The following HMGA2 variants were observed in gnomAD, a reference collection of about 807,000 sequenced individuals.
HMGA2 encodes high mobility group protein HMGI-C.
A neutral mutation model predicts 19.1 loss-of-function variants in HMGA2; 8 were observed. That is an observed-to-expected ratio of 0.42 (90% CI 0.25 to 0.76). The LOEUF is 0.76. Among genes scored for constraint, HMGA2 ranks in the 30% least tolerant of loss-of-function variants. The probability of loss-of-function intolerance (pLI) is 0.28; values close to 1 mark genes in which losing one functional copy is unlikely to be tolerated. For missense variants in HMGA2, 109 were observed against 136.3 expected (o/e 0.80, Z 1.00); for synonymous variants, 60 against 48.8 (o/e 1.23, Z -0.96).
intron 3 of HMGA2, among the ~76,000 whole-genome samples, chr12:65,889,899 C>A (rs1873830626): frequency 6.6e-6 from 1 of 152,188 alleles, no homozygotes; most frequent in African/African-American, 2.4e-5. Context: ...TCCCTACATC[C>A]TAGCCCCACT....
At chr12:65,865,413 T>C (rs1872344047) in intron 3 of HMGA2, among the ~76,000 whole-genome samples, 1 of 152,162 alleles carries the variant, frequency 6.6e-6, no homozygotes, top group Non-Finnish European at 1.5e-5. Flanking sequence ...GAAATGAAAG[T>C]ACTTAGTAAT....
At position 65,965,133 on chromosome 12, in the gene HMGA2, T is replaced by G. The variant is rs2121336760; in HGVS notation, c.*1841T>G. 1.0e-5 allele frequency: 2 copies of G among 196,092 alleles called. No homozygotes were observed. Among genetic ancestry groups the G allele is most frequent in the Non-Finnish European group, 1.1e-5 (1 of 94,060 alleles). 12.1% of individuals were successfully genotyped at this position (196,092 alleles called of 1,614,324 possible). A position where few individuals can be genotyped will look rare whatever the true frequency, so the allele number is the denominator to read the frequency against. On this transcript the variant is annotated 3_prime_UTR_variant, in exon 5 of 5. Transcript: ENST00000403681. ...TTTTGCAAAATAAGTAAATAATAAA[T>G]AAAATAAAAGCCAACCTTCAAAGAA...
chr12:65,886,321 G>A (rs1873651538), intron 3 of HMGA2, among the ~76,000 whole-genome samples: 1 of 151,578 alleles, frequency 6.6e-6, no homozygotes, highest in Non-Finnish European at 1.5e-5. Flanking sequence ...GTCACCCTTA[G>A]TCCCTGTTTC....
At chr12:65,893,824 T>C (rs1874018029) in intron 3 of HMGA2, among the ~76,000 whole-genome samples, 1 of 152,220 alleles carries the variant, frequency 6.6e-6, no homozygotes, top group Non-Finnish European at 1.5e-5. Flanking sequence ...AAAACTGATA[T>C]TTGACTTTCC....
chr12:65,916,799 G>A (rs777664396), intron 3 of HMGA2, among the ~76,000 whole-genome samples: 4 of 152,204 alleles, frequency 2.6e-5, no homozygotes, highest in African/African-American at 4.8e-5. Flanking sequence ...CTTAGTAGAA[G>A]AATTGAGGGA....
At chr12:65,864,691 A>C (rs1403596094) in intron 3 of HMGA2, among the ~76,000 whole-genome samples, 1 of 152,190 alleles carries the variant, frequency 6.6e-6, no homozygotes, top group Non-Finnish European at 1.5e-5. Flanking sequence ...ATGATTTTAT[A>C]GTGTTTCCAT....
intron 1 of HMGA2, among the ~76,000 whole-genome samples, chr12:65,827,676 G>A (rs1870274755): frequency 6.6e-6 from 1 of 152,208 alleles, no homozygotes; most frequent in Non-Finnish European, 1.5e-5. Flanking sequence ...GTTGCCAAAT[G>A]CATAGCCCTG....
At chr12:65,925,775 C>T (rs1166070766) in intron 3 of HMGA2, among the ~76,000 whole-genome samples, 2 of 136,038 alleles carry the variant, frequency 1.5e-5, no homozygotes, top group Non-Finnish European at 3.1e-5. Context: ...GAATGCGGAT[C>T]TCGGGCATTT....
chr12:65,915,364 A>T lies in HMGA2; in HGVS notation c.250-36019A>T, dbSNP rs556488578. 3.0e-6 allele frequency: 4 copies of T among 1,334,208 alleles called. No individual in the cohort carries two copies. In the East Asian group the frequency reaches 1.2e-4, roughly 41 times the overall value. 82.6% of individuals were successfully genotyped at this position (1,334,208 alleles called of 1,614,324 possible). On this transcript the variant is annotated intron_variant, in intron 3 of 4. Coordinates refer to ENST00000403681, the MANE Select transcript of HMGA2 (RefSeq NM_003483.6). ...GGCACCCTTGTACGAATTTGAAAAA[A>T]GTACTCACTCTAGGCACATGCAGAG...
intron 3 of HMGA2, among the ~76,000 whole-genome samples, chr12:65,853,313 A>C (rs1030056840): frequency 2.6e-5 from 4 of 152,188 alleles, no homozygotes; most frequent in African/African-American, 9.7e-5. Flanking sequence ...TATACTGTTC[A>C]AGTTTAAATC....
chr12:65,827,437 G>A (rs1417927612), intron 1 of HMGA2, among the ~76,000 whole-genome samples: 1 of 152,128 alleles, frequency 6.6e-6, no homozygotes, highest in Non-Finnish European at 1.5e-5. Context: ...AGGGGGAATG[G>A]AGTTATTTTG....
intron 3 of HMGA2, among the ~76,000 whole-genome samples, chr12:65,933,204 A>G (rs1875777460): frequency 1.3e-5 from 2 of 152,110 alleles, no homozygotes; most frequent in African/African-American, 4.8e-5. Context: ...TAGGTTTGAA[A>G]TGTTTCCTTC....
At chr12:65,903,918 C>T (rs748392626) in intron 3 of HMGA2, among the ~76,000 whole-genome samples, 1 of 152,174 alleles carries the variant, frequency 6.6e-6, no homozygotes, top group East Asian at 1.9e-4. Flanking sequence ...TTCATGATAA[C>T]GGCCTAGAGC....
At chr12:65,884,974 C>T (rs918397189) in intron 3 of HMGA2, among the ~76,000 whole-genome samples, 36 of 152,114 alleles carry the variant, frequency 2.4e-4, no homozygotes, top group African/African-American at 8.7e-4. Context: ...CCAATTGATT[C>T]TATTTTAATT....
intron 3 of HMGA2, among the ~76,000 whole-genome samples, chr12:65,912,962 C>A (rs147023965): frequency 5.9e-5 from 9 of 152,274 alleles, no homozygotes; most frequent in African/African-American, 1.9e-4. Flanking sequence ...CACTTCTGTG[C>A]CCCTGCTCTG....
At chr12:65,842,265 C>T in intron 3 of HMGA2, 3 of 567,116 alleles carry the variant, frequency 5.3e-6, no homozygotes, top group Non-Finnish European at 9.6e-6. Flanking sequence ...GTATATTTCT[C>T]ATAGAGTTGT....
At position 65,824,739 on chromosome 12, in the gene HMGA2, C is replaced by CTT. The variant is rs1448436077; in HGVS notation, c.-531_-530insTT. 4.5e-6 allele frequency: 1 copy of CTT among 222,900 alleles called. No homozygotes were observed. 13.8% of individuals were successfully genotyped at this position (222,900 alleles called of 1,614,324 possible). On this transcript the variant is annotated 5_prime_UTR_variant, in exon 1 of 5. Coordinates refer to ENST00000403681, the MANE Select transcript of HMGA2 (RefSeq NM_003483.6). ...TCTCTCTCTCTCTCTCTCTCTCTCT[C>CTT]TCTCTCTCTCTCTCTCTCTCTCTCT...
At chr12:65,951,242 T>C in intron 3 of HMGA2, 141 bp from the exon 4 acceptor site, 1 of 596,122 alleles carries the variant, frequency 1.7e-6, no homozygotes. Flanking sequence ...TATAAACACT[T>C]TTAACATTGG....
At chr12:65,851,635 G>A (rs887631723) in intron 3 of HMGA2, 1 of 442,478 alleles carries the variant, frequency 2.3e-6, no homozygotes, top group Admixed American at 2.4e-5. Flanking sequence ...GCCACTGCCT[G>A]GGCAACAAAG....
Sources: gnomAD v4.1 joint callset for allele counts (sites outside exome capture counted in the v4.1 genomes callset) on GRCh38, gnomAD v4.1.1 for gene constraint, MANE v1.5 for transcripts, NCBI Gene and HGNC (gene_info 2026-07-23, HGNC 2026-07-21) for gene names.